HS3ST5: variants seen among roughly 807,000 people sequenced by gnomAD.
The protein encoded by HS3ST5 is heparan sulfate-glucosamine 3-sulfotransferase 5, also known as heparan sulfate glucosamine 3-O-sulfotransferase 5.
In HS3ST5, 10 loss-of-function variants were observed where a neutral mutation model predicts 25.4. The observed-to-expected ratio is 0.39, with a 90% CI of 0.24 to 0.67. The LOEUF is 0.67. Among genes scored for constraint, HS3ST5 ranks in the 30% least tolerant of loss-of-function variants. HS3ST5 has a pLI of 0.44. For missense variants in HS3ST5, 324 were observed against 420.7 expected (o/e 0.77, Z 2.01); for synonymous variants, 170 against 162.4 (o/e 1.05, Z -0.36).
At chr6:114,122,336 G>T (rs1254540605) in intron 3 of HS3ST5, among the ~76,000 whole-genome samples, 1 of 152,168 alleles carries the variant, frequency 6.6e-6, no homozygotes, top group Admixed American at 6.5e-5. Context: ...ACACAATTTA[G>T]TGAGATCCTA....
In HS3ST5 at chr6:114,342,388, G is replaced by A; in HGVS notation, c.-532C>T. The stretch of plus-strand genomic sequence containing the variant: ...AAACCAACAGGGCTGTGCGTGGCGC[G>A]TGTGAGTAAGACGCGAGCGGGCCCC... On this transcript the variant is annotated 5_prime_UTR_variant, in exon 1 of 5. The change creates a new upstream start codon in the 5' untranslated region. Coordinates refer to ENST00000312719, the MANE Select transcript of HS3ST5 (RefSeq NM_153612.4). The A allele has an allele frequency of 1.1e-5, 2 of 184,970 alleles. No individual in the cohort carries two copies. The highest frequency in any genetic ancestry group is 2.1e-5 in the Non-Finnish European group (2 of 93,676). The allele number at this position is 184,970 out of a possible 1,614,324, so 11.5% of individuals were successfully genotyped here. A position where few individuals can be genotyped will look rare whatever the true frequency, so the allele number is the denominator to read the frequency against.
At chr6:114,244,050 C>A (rs943405693) in intron 1 of HS3ST5, among the ~76,000 whole-genome samples, 2 of 152,108 alleles carry the variant, frequency 1.3e-5, no homozygotes, top group African/African-American at 4.8e-5. Context: ...ACAGAGGAGT[C>A]TGTGAAAGAG....
intron 3 of HS3ST5, among the ~76,000 whole-genome samples, chr6:114,073,355 A>G (rs1458807352): frequency 2.0e-5 from 3 of 152,204 alleles, no homozygotes; most frequent in African/African-American, 7.2e-5. Flanking sequence ...TGAACAGGCA[A>G]CCTACAGAAT....
chr6:114,255,462 G>C (rs1282897099), intron 1 of HS3ST5, among the ~76,000 whole-genome samples: 1 of 152,152 alleles, frequency 6.6e-6, no homozygotes, highest in Non-Finnish European at 1.5e-5. Context: ...GGGGTCTGGA[G>C]GATGGTGGCC....
chr6:114,220,872 G>T (rs992590227), intron 2 of HS3ST5: 4 of 151,856 alleles, frequency 2.6e-5, no homozygotes, highest in African/African-American at 9.7e-5. Context: ...GGGAGCTTAG[G>T]CACACTCAAT....
At chr6:114,145,092 T>A (rs373602417) in intron 3 of HS3ST5, among the ~76,000 whole-genome samples, 107 of 152,252 alleles carry the variant, frequency 7.0e-4, no homozygotes, top group African/African-American at 2.4e-3. Flanking sequence ...ACCTGACCCT[T>A]ACTTCTTGGC....
intron 2 of HS3ST5, among the ~76,000 whole-genome samples, chr6:114,222,617 G>A (rs1007629575): frequency 2.6e-5 from 4 of 151,890 alleles, no homozygotes; most frequent in Admixed American, 6.6e-5. Context: ...GATGACGCAT[G>A]ATAGAAATGT....
intron 3 of HS3ST5, among the ~76,000 whole-genome samples, chr6:114,063,681 T>C (rs1773274861): frequency 1.3e-5 from 2 of 152,154 alleles, no homozygotes; most frequent in South Asian, 2.1e-4. Context: ...TTTGTTTTAG[T>C]TGTGAGTAGA....
intron 2 of HS3ST5, among the ~76,000 whole-genome samples, chr6:114,209,301 T>A (rs941368286): frequency 1.3e-5 from 2 of 152,084 alleles, no homozygotes; most frequent in South Asian, 2.1e-4. Flanking sequence ...TTTAAATTTT[T>A]AAAAAATGTG....
intron 1 of HS3ST5, among the ~76,000 whole-genome samples, chr6:114,296,833 T>A (rs1774844864): frequency 6.6e-6 from 1 of 152,132 alleles, no homozygotes; most frequent in Non-Finnish European, 1.5e-5. Flanking sequence ...CACGAAATCA[T>A]GCATGTCTTA....
intron 1 of HS3ST5, among the ~76,000 whole-genome samples, chr6:114,232,329 C>T (rs2492891): frequency 0.73 from 111,022 of 151,920 alleles, 40,788 homozygotes; most frequent in South Asian, 0.87. Context: ...TAGCTTAACA[C>T]TTTTTCCCTT....
intron 3 of HS3ST5, among the ~76,000 whole-genome samples, chr6:114,122,966 G>GTTTA (rs1776864497): frequency 1.3e-5 from 2 of 152,106 alleles, no homozygotes; most frequent in African/African-American, 2.4e-5. Flanking sequence ...TTGTTTGTTT[G>GTTTA]TTTGAGACGG....
intron 1 of HS3ST5, chr6:114,230,213 A>AGAATG (rs945216176): frequency 2.0e-5 from 3 of 150,658 alleles, no homozygotes; most frequent in South Asian, 2.1e-4. Flanking sequence ...GAATTAAAAC[A>AGAATG]GAATGGAATG....
intron 2 of HS3ST5, among the ~76,000 whole-genome samples, chr6:114,170,713 G>T (rs1011748487): frequency 9.9e-5 from 15 of 152,134 alleles, no homozygotes; most frequent in Non-Finnish European, 2.2e-4. Context: ...GTAGAGGAAA[G>T]AACTCATTAG....
chr6:114,269,728 G>A (rs1247217180), intron 1 of HS3ST5, among the ~76,000 whole-genome samples: 2 of 152,056 alleles, frequency 1.3e-5, no homozygotes, highest in Admixed American at 1.3e-4. Context: ...TACAATTTCT[G>A]GTTATCAGCA....
At chr6:114,073,836 G>A (rs1192323256) in intron 3 of HS3ST5, among the ~76,000 whole-genome samples, 1 of 152,124 alleles carries the variant, frequency 6.6e-6, no homozygotes, top group Non-Finnish European at 1.5e-5. Context: ...ACTATAAAGA[G>A]CCATGCACAC....
intron 2 of HS3ST5, among the ~76,000 whole-genome samples, chr6:114,182,378 T>C (rs1237701789): frequency 6.6e-6 from 1 of 152,152 alleles, no homozygotes; most frequent in African/African-American, 2.4e-5. Context: ...ATTACTTTCT[T>C]TAAAAGGTCA....
chr6:114,080,808 T>C (rs141470186), intron 3 of HS3ST5, among the ~76,000 whole-genome samples: 7 of 152,160 alleles, frequency 4.6e-5, no homozygotes, highest in South Asian at 2.1e-4. Flanking sequence ...GGGGCAAGGA[T>C]TGAAAAACTA....
chr6:114,263,036 ATTTAAG>A (rs1385230181), intron 1 of HS3ST5, among the ~76,000 whole-genome samples: 2 of 152,136 alleles, frequency 1.3e-5, no homozygotes, highest in African/African-American at 4.8e-5. Context: ...TAAGTTCTTT[ATTTAAG>A]TTTGATTTCT....
Sources: allele counts gnomAD v4.1 joint callset (sites outside exome capture counted in the v4.1 genomes callset), GRCh38; gene constraint gnomAD v4.1.1; transcripts MANE v1.5; gene names NCBI Gene and HGNC (gene_info 2026-07-23, HGNC 2026-07-21).